The following SUSD1 variants were observed in gnomAD, a reference collection of about 807,000 sequenced individuals.
The protein encoded by SUSD1 is sushi domain-containing protein 1.
In SUSD1, 65 loss-of-function variants were observed where a neutral mutation model predicts 86.9. That is an observed-to-expected ratio of 0.75 (90% confidence interval 0.61 to 0.92). The LOEUF is 0.92. SUSD1 is among the 40% of genes least tolerant of loss of function. The pLI is 0.00. For synonymous variants in SUSD1, 346 were observed against 350.0 expected (o/e 0.99, Z 0.13); for missense variants, 850 against 929.7 (o/e 0.91, Z 1.11).
intron 15 of SUSD1, among the ~76,000 whole-genome samples, chr9:112,049,295 T>C (rs1828088991): frequency 6.6e-6 from 1 of 152,222 alleles, no homozygotes; most frequent in Non-Finnish European, 1.5e-5. Context: ...GATTACAGCT[T>C]ATTATCATCT....
intron 8 of SUSD1, among the ~76,000 whole-genome samples, chr9:112,104,031 C>T (rs1476032769): frequency 1.4e-5 from 2 of 147,264 alleles, no homozygotes; most frequent in Admixed American, 1.4e-4. Flanking sequence ...GTTCGCCTGA[C>T]AATTCTTCTT....
chr9:112,062,322 G>A (rs1018240052), intron 13 of SUSD1, among the ~76,000 whole-genome samples: 8 of 152,110 alleles, frequency 5.3e-5, no homozygotes, highest in Non-Finnish European at 8.8e-5. Flanking sequence ...TGCAACCGAC[G>A]TTTACCCAGG....
chr9:112,095,762 G>A (rs1830367925), intron 10 of SUSD1, among the ~76,000 whole-genome samples: 1 of 152,200 alleles, frequency 6.6e-6, no homozygotes, highest in South Asian at 2.1e-4. Flanking sequence ...CAGAAATGGA[G>A]ACAGGGAAGG....
chr9:112,070,791 C>A (rs1299640420), intron 12 of SUSD1, among the ~76,000 whole-genome samples: 6 of 151,982 alleles, frequency 3.9e-5, no homozygotes, highest in African/African-American at 1.2e-4. Flanking sequence ...ACAGGACAGA[C>A]AAACAGTGAA....
chr9:112,106,806 G>C (rs575352700), intron 8 of SUSD1, among the ~76,000 whole-genome samples: 1 of 150,234 alleles, frequency 6.7e-6, no homozygotes, highest in Admixed American at 6.7e-5. Flanking sequence ...CAATATTTCA[G>C]TCTTAACACT....
At chr9:112,150,987 T>G (rs1833020081) in intron 2 of SUSD1, among the ~76,000 whole-genome samples, 1 of 152,172 alleles carries the variant, frequency 6.6e-6, no homozygotes, top group Non-Finnish European at 1.5e-5. Context: ...CAGGCTAAAT[T>G]GCACTGGCAC....
At chr9:112,042,154 T>C in intron 15 of SUSD1, 194 bp from the exon 16 acceptor site, 2 of 1,538,020 alleles carry the variant, frequency 1.3e-6, no homozygotes, top group Non-Finnish European at 1.7e-6. Context: ...AAATTACAGT[T>C]ACAAGGTATT....
chr9:112,105,982 G>A (rs1180986626), intron 8 of SUSD1, among the ~76,000 whole-genome samples: 3 of 151,974 alleles, frequency 2.0e-5, no homozygotes, highest in African/African-American at 7.3e-5. Flanking sequence ...TGCTTACATC[G>A]AATTTTTTAT....
intron 5 of SUSD1, among the ~76,000 whole-genome samples, chr9:112,130,118 T>C (rs1308995288): frequency 6.6e-6 from 1 of 152,200 alleles, no homozygotes; most frequent in Admixed American, 6.5e-5. Context: ...CTCACGCCTG[T>C]AATCCCAACA....
At chr9:112,086,538 A>AAAAG (rs1207460816) in intron 10 of SUSD1, among the ~76,000 whole-genome samples, 40 of 137,986 alleles carry the variant, frequency 2.9e-4, no homozygotes, top group Admixed American at 1.1e-3. Context: ...GAGAGAGAAA[A>AAAAG]AAAGAAAGAA....
In SUSD1 at chr9:112,080,092, A is replaced by G. The variant is rs1296301078; in HGVS notation, c.1548T>C (p.Asp516=). ...CACTTACTAAATACATCTCCTCCAT[A>G]TCAGCTGTCTTGATGCTTCTCCATC... ...CLRWRSIKTA[D]MEEMYLFHIW... The change falls in exon 11 of 17, where the codon GAT becomes GAC. Residue 516 remains aspartate (D), a synonymous_variant. Coordinates refer to ENST00000374270, the MANE Select transcript of SUSD1 (RefSeq NM_022486.5). 6.2e-7 allele frequency: 1 copy of G among 1,612,480 alleles called. No homozygotes were observed. The highest frequency in any genetic ancestry group is 8.5e-7 in the Non-Finnish European group (1 of 1,178,648).
intron 15 of SUSD1, chr9:112,042,293 T>G (rs1827775985): frequency 1.3e-6 from 1 of 772,982 alleles, no homozygotes; most frequent in Admixed American, 2.7e-5. Flanking sequence ...CAATTACATT[T>G]GATAGATTTT....
At chr9:112,118,806 C>T (rs374622817) in intron 6 of SUSD1, among the ~76,000 whole-genome samples, 6 of 152,108 alleles carry the variant, frequency 3.9e-5, no homozygotes, top group Admixed American at 1.3e-4. Context: ...TTTATCTGTT[C>T]GTTATGTATC....
chr9:112,086,562 G>GAAAGAA lies in SUSD1; in HGVS notation c.1475-6398_1475-6397insTTCTTT, dbSNP rs1437452928. Among the ~76,000 whole-genome samples the GAAAGAA allele has an allele frequency of 9.5e-4, 125 of 131,040 alleles. 4 individuals are homozygous for GAAAGAA. Among genetic ancestry groups the GAAAGAA allele is most frequent in the African/African-American group, 4.2e-3 (122 of 29,274 alleles). 86.0% of individuals were successfully genotyped at this position (131,040 alleles called of 152,430 possible). A position where few individuals can be genotyped will look rare whatever the true frequency, so the allele number is the denominator to read the frequency against. On this transcript the variant is annotated intron_variant, in intron 10 of 16. Transcript: ENST00000374270. ...AAAAAGAAAGAAAGAAAGAAAGAAAGAGAGAGAGAGAGAGAGAGAGAGATC... is the reference window on the plus strand; with the variant it reads ...AAAAAGAAAGAAAGAAAGAAAGAAAGAAAGAAAGAGAGAGAGAGAGAGAGAGAGATC...
chr9:112,041,719 C>T (rs541725088), intron 16 of SUSD1, 148 bp downstream of exon 16: 2 of 753,236 alleles, frequency 2.7e-6, no homozygotes, highest in African/African-American at 1.7e-5. Context: ...GTTAGTCATG[C>T]CTTTCACCGC....
intron 6 of SUSD1, among the ~76,000 whole-genome samples, chr9:112,114,005 C>T (rs1564307172): frequency 6.6e-6 from 1 of 152,062 alleles, no homozygotes; most frequent in African/African-American, 2.4e-5. Flanking sequence ...ATGATACAAT[C>T]TTATATACTT....
chr9:112,136,278 G>A (rs901402977), intron 5 of SUSD1, among the ~76,000 whole-genome samples: 1 of 152,100 alleles, frequency 6.6e-6, no homozygotes, highest in Non-Finnish European at 1.5e-5. Context: ...CTGTTGCCCA[G>A]GCTGGAGTGC....
intron 12 of SUSD1, among the ~76,000 whole-genome samples, chr9:112,070,262 C>A (rs1215182391): frequency 1.3e-5 from 2 of 152,194 alleles, no homozygotes; most frequent in Non-Finnish European, 2.9e-5. Flanking sequence ...CTGCCTCGGC[C>A]TCCCAAAGTG....
At chr9:112,154,327 C>T (rs1159898544) in intron 2 of SUSD1, among the ~76,000 whole-genome samples, 2 of 122,184 alleles carry the variant, frequency 1.6e-5, no homozygotes, top group South Asian at 4.8e-4. Context: ...CACCTCCACA[C>T]ACACACACAA....
Sources: gnomAD v4.1 joint callset for allele counts (sites outside exome capture counted in the v4.1 genomes callset) on GRCh38, gnomAD v4.1.1 for gene constraint, MANE v1.5 for transcripts, NCBI Gene and HGNC (gene_info 2026-07-23, HGNC 2026-07-21) for gene names.